Variants in TMEM178B observed in about 807,000 individuals in gnomAD.
The protein encoded by TMEM178B is transmembrane protein 178B.
Under a neutral mutation model 31.0 loss-of-function variants are expected in TMEM178B, and 5 were observed. The ratio of observed to expected loss-of-function variants is 0.16; its 90% CI spans 0.08 to 0.34. TMEM178B has a LOEUF of 0.34. Ranked by LOEUF, TMEM178B falls within the 10% of genes least tolerant of loss-of-function variation. TMEM178B has a pLI of 1.00. For missense variants in TMEM178B, 275 were observed against 400.3 expected (o/e 0.69, Z 2.67); for synonymous variants, 164 against 164.0 (o/e 1.00, Z 0.00).
chr7:141,222,032 CGT>C (rs931685200), intron 2 of TMEM178B, among the ~76,000 whole-genome samples: 3 of 152,068 alleles, frequency 2.0e-5, no homozygotes, highest in Admixed American at 1.3e-4. Context: ...TGGTGTGGAT[CGT>C]AGTGGTCAGA....
At chr7:141,506,542 C>T in the TMEM178B span, among the ~76,000 whole-genome samples, 26 of 152,212 alleles carry the variant, frequency 1.7e-4, no homozygotes, top group African/African-American at 4.3e-4. Flanking sequence ...CAGGGAAGAC[C>T]GGCCGCCATG....
At chr7:141,343,824 C>T (rs1190743272) in intron 2 of TMEM178B, among the ~76,000 whole-genome samples, 2 of 152,274 alleles carry the variant, frequency 1.3e-5, no homozygotes, top group East Asian at 1.9e-4. Context: ...GCTGGGATTA[C>T]AGGCGTGAGC....
intron 2 of TMEM178B, among the ~76,000 whole-genome samples, chr7:141,239,910 A>T (rs1327638732): frequency 1.3e-5 from 2 of 152,242 alleles, no homozygotes; most frequent in African/African-American, 4.8e-5. Context: ...CGGTAGAAAC[A>T]GAACATAAGC....
intron 2 of TMEM178B, among the ~76,000 whole-genome samples, chr7:141,233,576 A>C (rs1797480728): frequency 6.6e-6 from 1 of 152,182 alleles, no homozygotes; most frequent in South Asian, 2.1e-4. Flanking sequence ...GGGGTGTTGT[A>C]ACTTCCATGT....
rs141903795 is a variant in TMEM178B, at chr7:141,362,852, C to T, written c.497-74756C>T. Among the ~76,000 whole-genome samples the T allele has an allele frequency of 1.7e-3, 253 of 152,282 alleles. 2 individuals are homozygous for T. The highest frequency in any genetic ancestry group is 5.9e-3 in the African/African-American group (244 of 41,550). The stretch of plus-strand genomic sequence containing the variant: ...CGGGCTGTAGCCATTTCTCCTGGAG[C>T]GACAGAGACACTCAGGGGTCAGTGC... On this transcript the variant is annotated intron_variant, in intron 2 of 3. Transcript: ENST00000565468.
At position 141,171,845 on chromosome 7, in the gene TMEM178B, TGAATG is replaced by T. The variant is rs1311150930; in HGVS notation, c.383-40745_383-40741del. 5.7e-5 allele frequency among the ~76,000 whole-genome samples: 1 copy of T among 17,638 alleles called. No individual in the cohort carries two copies. The allele number at this position is 17,638 out of a possible 152,430, so 11.6% of individuals were successfully genotyped here. On this transcript the variant is annotated intron_variant, in intron 1 of 3. Transcript: ENST00000565468. This position sits in a 1 kb window ranked among gnomAD's most constrained non-coding sequence, Gnocchi z 4.3. ...CAGGCTCTCAATACACATTTGTGAA[TGAATG>T]AATGAATGAATGAATGAAGGGCAAT... is the stretch of plus-strand genomic sequence containing the variant.
intron 2 of TMEM178B, among the ~76,000 whole-genome samples, chr7:141,298,752 A>C (rs1262527201): frequency 1.3e-5 from 2 of 152,262 alleles, no homozygotes; most frequent in East Asian, 3.8e-4. Flanking sequence ...AAATATGGTG[A>C]AAAGAGGACC....
intron 1 of TMEM178B, among the ~76,000 whole-genome samples, chr7:141,209,266 A>C (rs987829703): frequency 1.3e-5 from 2 of 152,150 alleles, no homozygotes; most frequent in Admixed American, 6.5e-5. Flanking sequence ...ACATTTACCA[A>C]GTACATTGAG....
intron 2 of TMEM178B, among the ~76,000 whole-genome samples, chr7:141,219,688 C>G (rs1038245154): frequency 2.0e-5 from 3 of 152,160 alleles, no homozygotes; most frequent in African/African-American, 7.2e-5. Flanking sequence ...TTGTGCCTGT[C>G]CTCCCAGAGC....
intron 2 of TMEM178B, among the ~76,000 whole-genome samples, chr7:141,331,655 G>A (rs1799302287): frequency 6.6e-6 from 1 of 152,184 alleles, no homozygotes; most frequent in African/African-American, 2.4e-5. Context: ...GAGCCTTGCT[G>A]CAAGGGAAAG....
chr7:141,319,718 A>G (rs930397888), intron 2 of TMEM178B, among the ~76,000 whole-genome samples: 3 of 152,132 alleles, frequency 2.0e-5, no homozygotes, highest in Non-Finnish European at 4.4e-5. Context: ...TGGTGTTTTT[A>G]GTAGAGACGG....
At chr7:141,121,879 C>T (rs1795413487) in intron 1 of TMEM178B, among the ~76,000 whole-genome samples, 1 of 152,108 alleles carries the variant, frequency 6.6e-6, no homozygotes, top group Non-Finnish European at 1.5e-5. Context: ...ACTTTCTTTG[C>T]TCTCTTCAGT....
intron 3 of TMEM178B, among the ~76,000 whole-genome samples, chr7:141,463,183 T>C (rs960930890): frequency 1.3e-5 from 2 of 152,094 alleles, no homozygotes; most frequent in East Asian, 1.9e-4. Flanking sequence ...GAAAGGGTAA[T>C]TAGTTTTCGT....
intron 1 of TMEM178B, among the ~76,000 whole-genome samples, chr7:141,105,951 C>G (rs967894099): frequency 2.6e-5 from 4 of 151,848 alleles, no homozygotes; most frequent in Admixed American, 2.6e-4. Flanking sequence ...AAAAATTAGC[C>G]GGGCGTGGTA....
intron 2 of TMEM178B, among the ~76,000 whole-genome samples, chr7:141,330,959 T>A (rs1799289349): frequency 6.6e-6 from 1 of 152,170 alleles, no homozygotes; most frequent in African/African-American, 2.4e-5. Flanking sequence ...GCTCATAGAC[T>A]AGGTGTGAGA....
intron 1 of TMEM178B, among the ~76,000 whole-genome samples, chr7:141,203,591 C>T (rs975606252): frequency 1.3e-5 from 2 of 152,210 alleles, no homozygotes; most frequent in African/African-American, 4.8e-5. Context: ...AATCTTCCAC[C>T]CAACAGTGAA....
intron 2 of TMEM178B, among the ~76,000 whole-genome samples, chr7:141,371,166 TCCC>T (rs1800108321): frequency 6.6e-6 from 1 of 152,178 alleles, no homozygotes; most frequent in East Asian, 1.9e-4. Context: ...TGAAATTTGG[TCCC>T]CAATATTAGA....
intron 3 of TMEM178B, among the ~76,000 whole-genome samples, chr7:141,442,814 T>C (rs1801686195): frequency 6.6e-6 from 1 of 152,250 alleles, no homozygotes; most frequent in South Asian, 2.1e-4. Flanking sequence ...TGTGGTGTTT[T>C]CATTTTGGCT....
At chr7:141,097,241 C>T (rs942480039) in intron 1 of TMEM178B, among the ~76,000 whole-genome samples, 25 of 148,600 alleles carry the variant, frequency 1.7e-4, no homozygotes, top group Admixed American at 8.0e-4. Flanking sequence ...TTGTGGCGGG[C>T]GCCTGTAGTC....
Sources: allele counts gnomAD v4.1 joint callset (sites outside exome capture counted in the v4.1 genomes callset), GRCh38; gene constraint gnomAD v4.1.1; non-coding constraint Gnocchi (gnomAD v3.1); transcripts MANE v1.5; gene names NCBI Gene and HGNC (gene_info 2026-07-23, HGNC 2026-07-21).